The following TCERG1 variants were observed in gnomAD, a reference collection of about 807,000 sequenced individuals.
The protein encoded by TCERG1 is transcription elongation regulator 1, also known as TATA box binding protein (TBP)-associated factor, RNA polymerase II, S, 150kD.
A neutral mutation model predicts 144.7 loss-of-function variants in TCERG1; 37 were observed. That is an observed-to-expected ratio of 0.26 (90% CI 0.20 to 0.34). TCERG1 has a LOEUF of 0.34. TCERG1 is among the 10% of genes least tolerant of loss of function. The probability of loss-of-function intolerance (pLI) is 1.00; values close to 1 mark genes in which losing one functional copy is unlikely to be tolerated. For synonymous variants in TCERG1, 492 were observed against 458.2 expected, an observed-to-expected ratio of 1.07 and a Z score of -0.94; for missense variants, 1,027 against 1,380.7, an observed-to-expected ratio of 0.74 and a Z score of 4.06.
intron 15 of TCERG1, among the ~76,000 whole-genome samples, chr5:146,490,469 T>C (rs1167506920): frequency 6.6e-6 from 1 of 152,236 alleles, no homozygotes; most frequent in African/African-American, 2.4e-5. Flanking sequence ...TGTACCCTTA[T>C]TTGGAATTGT....
intron 1 of TCERG1, among the ~76,000 whole-genome samples, chr5:146,449,652 T>C (rs182332735): frequency 1.3e-5 from 2 of 152,346 alleles, no homozygotes; most frequent in East Asian, 1.9e-4. Context: ...AAATACCTTA[T>C]GTTTGTATTT....
At chr5:146,482,819 A>G (rs573141575) in intron 14 of TCERG1, 92 bp downstream of exon 14, 4 of 1,371,114 alleles carry the variant, frequency 2.9e-6, no homozygotes, top group Non-Finnish European at 3.8e-6. Context: ...GTTAGTGCTC[A>G]TGTTATGGGG....
intron 8 of TCERG1, 47 bp from the exon 9 acceptor site, chr5:146,471,441 A>T (rs1764285539): frequency 6.6e-7 from 1 of 1,525,542 alleles, no homozygotes; most frequent in Admixed American, 1.9e-5. Context: ...TGGAACATTC[A>T]GGTATTGTTA....
intron 4 of TCERG1, among the ~76,000 whole-genome samples, chr5:146,461,128 A>T (rs1763293178): frequency 6.6e-6 from 1 of 152,180 alleles, no homozygotes; most frequent in Non-Finnish European, 1.5e-5. Context: ...TTTTCAGAGT[A>T]GTGTGTCAGT....
Position 146,511,046 on chromosome 5 carries a change from A to ATTTTT in TCERG1, c.*412_*416dup, listed in dbSNP as rs539721607. The ATTTTT allele has an allele frequency of 6.7e-6, 1 of 148,946 alleles. No homozygotes were observed. The highest frequency in any genetic ancestry group is 2.1e-4 in the South Asian group (1 of 4,686). 9.2% of individuals were successfully genotyped at this position (148,946 alleles called of 1,614,324 possible). A position where few individuals can be genotyped will look rare whatever the true frequency, so the allele number is the denominator to read the frequency against. On this transcript the variant is annotated 3_prime_UTR_variant, in exon 23 of 23. Coordinates refer to ENST00000679501, the MANE Select transcript of TCERG1 (RefSeq NM_001382548.1). ...CCGAGTTGGGGTTTGTTTTGTTTTGATTTTTTTTTTTTAAAGCGGGTAAAA... is the reference window on the plus strand; with the variant it reads ...CCGAGTTGGGGTTTGTTTTGTTTTGATTTTTTTTTTTTTTTTTAAAGCGGGTAAAA...
intron 15 of TCERG1, among the ~76,000 whole-genome samples, chr5:146,485,149 C>T (rs1003369870): frequency 6.6e-5 from 10 of 152,140 alleles, no homozygotes; most frequent in Non-Finnish European, 1.5e-4. Flanking sequence ...CACACTGGCC[C>T]TGATATTACT....
chr5:146,482,875 C>T, intron 14 of TCERG1, 148 bp downstream of exon 14: 2 of 1,131,442 alleles, frequency 1.8e-6, no homozygotes, highest in South Asian at 2.5e-5. Flanking sequence ...TTTGCAACAG[C>T]CTTTTTCTTG....
Position 146,480,161 on chromosome 5 carries a change from G to A in TCERG1, c.1886+67G>A, listed in dbSNP as rs1765218209. 3.3e-6 allele frequency: 4 copies of A among 1,229,590 alleles called. No individual in the cohort carries two copies. In the South Asian group the frequency reaches 4.4e-5, roughly 13 times the overall value. The allele number at this position is 1,229,590 out of a possible 1,614,324, so 76.2% of individuals were successfully genotyped here. ...TTAAAAGTCGATTTGGTAATAATTT[G>A]TGATTGGAAGGGACAGGTAATGTGA... On this transcript the variant is annotated intron_variant, in intron 12 of 22. Coordinates refer to ENST00000679501, the MANE Select transcript of TCERG1 (RefSeq NM_001382548.1).
At chr5:146,460,364 A>G (rs2150284058) in intron 4 of TCERG1, among the ~76,000 whole-genome samples, 1 of 150,674 alleles carries the variant, frequency 6.6e-6, no homozygotes, top group South Asian at 2.1e-4. Context: ...TTTTGTATCA[A>G]TATATGGATG....
intron 2 of TCERG1, 96 bp downstream of exon 2, chr5:146,455,377 G>C (rs1762739281): frequency 2.9e-6 from 4 of 1,367,130 alleles, no homozygotes; most frequent in Non-Finnish European, 4.0e-6. Flanking sequence ...AATAGTTTCA[G>C]TTTATAGGAA....
intron 4 of TCERG1, among the ~76,000 whole-genome samples, chr5:146,462,397 A>T (rs1442840642): frequency 6.6e-6 from 1 of 152,192 alleles, no homozygotes; most frequent in Non-Finnish European, 1.5e-5. Flanking sequence ...AATGAATTTT[A>T]TTTTGGAACT....
In TCERG1 at chr5:146,507,499, A is replaced by G. The variant is rs1768110269; in HGVS notation, c.2961+292A>G. 2.9e-6 allele frequency: 1 copy of G among 348,088 alleles called. No individual in the cohort carries two copies. The allele number at this position is 348,088 out of a possible 1,614,324, so 21.6% of individuals were successfully genotyped here. On this transcript the variant is annotated intron_variant, in intron 20 of 22. Transcript: ENST00000679501. This position sits in a 1 kb window ranked among gnomAD's most constrained non-coding sequence, Gnocchi z 4.6. ...TTTAGCAAATTTCTTCTTTTGATCC[A>G]TTTTCAATTTGGTACTATGGCCTCT... is the stretch of plus-strand genomic sequence containing the variant.
chr5:146,471,083 C>T (rs1187566726), intron 8 of TCERG1, among the ~76,000 whole-genome samples: 1 of 152,152 alleles, frequency 6.6e-6, no homozygotes, highest in Non-Finnish European at 1.5e-5. Context: ...TCTGTCCTTT[C>T]TGCTGTTGTG....
intron 16 of TCERG1, among the ~76,000 whole-genome samples, chr5:146,495,981 C>T (rs1324674622): frequency 6.6e-6 from 1 of 152,036 alleles, no homozygotes; most frequent in Non-Finnish European, 1.5e-5. Context: ...GGTGAAACTC[C>T]ATCTCTACTA....
At chr5:146,509,324 A>G in intron 22 of TCERG1, 79 bp downstream of exon 22, 3 of 940,366 alleles carry the variant, frequency 3.2e-6, no homozygotes, top group Non-Finnish European at 4.9e-6. Flanking sequence ...CATTCTTTGC[A>G]TTCACACACA....
chr5:146,447,500 TG>T (rs1761962492), intron 1 of TCERG1, 92 bp downstream of exon 1: 4 of 1,501,400 alleles, frequency 2.7e-6, no homozygotes, highest in Admixed American at 4.6e-5. Flanking sequence ...GGGCGGACGG[TG>T]GGTAGCGGAG....
intron 15 of TCERG1, among the ~76,000 whole-genome samples, chr5:146,491,532 C>T (rs1766421760): frequency 6.6e-6 from 1 of 152,002 alleles, no homozygotes; most frequent in Non-Finnish European, 1.5e-5. Context: ...ACCCCTGGAG[C>T]CAATGTTTTA....
intron 15 of TCERG1, among the ~76,000 whole-genome samples, chr5:146,488,978 T>TGTGGAAGCAAAAGAAAGTTGATGTC (rs1766132822): frequency 1.3e-5 from 2 of 152,170 alleles, no homozygotes; most frequent in Non-Finnish European, 2.9e-5. Flanking sequence ...TTTTCACACA[T>TGTGGAAGCAAAAGAAAGTTGATGTC]GTGGAAGCAA....
intron 13 of TCERG1, chr5:146,481,768 G>T (rs1377050110): frequency 2.6e-5 from 4 of 152,090 alleles, no homozygotes; most frequent in Non-Finnish European, 5.9e-5. Flanking sequence ...GATTATTTAC[G>T]TGAATGGGCC....
Sources: allele counts gnomAD v4.1 joint callset (sites outside exome capture counted in the v4.1 genomes callset), GRCh38; gene constraint gnomAD v4.1.1; non-coding constraint Gnocchi (gnomAD v3.1); transcripts MANE v1.5; gene names NCBI Gene and HGNC (gene_info 2026-07-23, HGNC 2026-07-21).